The following KYAT1 variants were observed in gnomAD, a reference collection of about 807,000 sequenced individuals.
KYAT1 encodes the protein kynurenine--oxoglutarate transaminase 1.
A neutral mutation model predicts 52.4 loss-of-function variants in KYAT1; 47 were observed. That is an observed-to-expected ratio of 0.90 (90% CI 0.71 to 1.14). The LOEUF (loss-of-function observed/expected upper bound fraction) is 1.14, where lower values mean the gene tolerates loss of function less well. Ranked by LOEUF, KYAT1 falls within the 50% of genes most tolerant of loss-of-function variation. The probability of loss-of-function intolerance (pLI) is 0.00; values close to 1 mark genes in which losing one functional copy is unlikely to be tolerated. For synonymous variants in KYAT1, 212 were observed against 209.6 expected, an observed-to-expected ratio of 1.01 and a Z score of -0.10; for missense variants, 480 against 557.9, an observed-to-expected ratio of 0.86 and a Z score of 1.41.
intron 1 of KYAT1, among the ~76,000 whole-genome samples, chr9:128,867,896 C>T (rs966662867): frequency 4.6e-5 from 7 of 152,188 alleles, no homozygotes; most frequent in African/African-American, 1.7e-4. Context: ...CCTCAGCCTC[C>T]TGAGTAGCTG....
At chr9:128,873,363 G>GAA (rs74942940) in intron 1 of KYAT1, among the ~76,000 whole-genome samples, 4 of 107,760 alleles carry the variant, frequency 3.7e-5, no homozygotes, top group African/African-American at 6.7e-5. Flanking sequence ...TATAGAAAAT[G>GAA]AAAAAAAAAA....
chr9:128,850,328 T>C (rs1054593808), intron 1 of KYAT1, among the ~76,000 whole-genome samples: 2 of 152,210 alleles, frequency 1.3e-5, no homozygotes, highest in African/African-American at 2.4e-5. Context: ...CCTTGAACAA[T>C]TGCTTTGCTG....
chr9:128,875,238 G>GTTTTTT (rs937445820), intron 1 of KYAT1, among the ~76,000 whole-genome samples: 1 of 127,736 alleles, frequency 7.8e-6, no homozygotes, highest in African/African-American at 3.0e-5. Flanking sequence ...TGTTCAATTT[G>GTTTTTT]TTTTTTTTTG....
At chr9:128,857,540 ATAAC>A (rs1289753885) in intron 1 of KYAT1, among the ~76,000 whole-genome samples, 1 of 152,250 alleles carries the variant, frequency 6.6e-6, no homozygotes, top group African/African-American at 2.4e-5. Context: ...AGTGAATCAC[ATAAC>A]TAAATGTATG....
At chr9:128,840,934 C>T (rs1384344506) in intron 3 of KYAT1, among the ~76,000 whole-genome samples, 2 of 152,212 alleles carry the variant, frequency 1.3e-5, no homozygotes, top group Admixed American at 1.3e-4. Context: ...TAGAGAAATA[C>T]ATATGTATAC....
rs757193921 is a variant in KYAT1, at chr9:128,842,768, G to A, written c.87C>T (p.Asp29=). ...GGAAGCCCTGGCCCAAGTTCACGAC[G>A]TCATGCTCACTGGCCAGTTTCACAA... ...VEFVKLASEH[D]VVNLGQGFPD... is the part of the protein sequence containing the mutation. The change falls in exon 3 of 13, where the codon GAC becomes GAT. Residue 29 remains aspartate, a synonymous_variant. Coordinates refer to ENST00000302586, the MANE Select transcript of KYAT1 (RefSeq NM_004059.5). 14 of 1,613,984 alleles carry A rather than the reference G, an allele frequency of 8.7e-6. No individual in the cohort carries two copies. Among genetic ancestry groups the A allele is most frequent in the South Asian group, 2.2e-5 (2 of 91,066 alleles).
intron 1 of KYAT1, among the ~76,000 whole-genome samples, chr9:128,854,276 T>G (rs1002716140): frequency 1.3e-5 from 2 of 150,334 alleles, no homozygotes; most frequent in Admixed American, 1.3e-4. Context: ...TAGCACTCTA[T>G]ACTTTAAATT....
At chr9:128,833,851 C>A (rs1306377526) in intron 11 of KYAT1, 25 bp from the exon 12 acceptor site, 1 of 1,600,056 alleles carries the variant, frequency 6.2e-7, no homozygotes. Context: ...GGACATGTCT[C>A]AACACGGCCT....
chr9:128,865,357 A>ATTTTTTTTT (rs1836204051), intron 1 of KYAT1, among the ~76,000 whole-genome samples: 2 of 8,628 alleles, frequency 2.3e-4, no homozygotes, highest in African/African-American at 5.6e-4. Context: ...ATATATATAT[A>ATTTTTTTTT]TATTTTTTTT....
rs1830431060 is a variant in KYAT1 at position 128,833,215 on chromosome 9, G to A, written c.*369C>T. ...CCAAGGCCAAGATGAGCCAGGGAAGGTGAGGTTATACCTGAGCCTTAGCAG... is the reference window on the plus strand; with the variant it reads ...CCAAGGCCAAGATGAGCCAGGGAAGATGAGGTTATACCTGAGCCTTAGCAG... On this transcript the variant is annotated 3_prime_UTR_variant, in exon 13 of 13. Transcript: ENST00000302586. 3.3e-6 allele frequency: 1 copy of A among 300,468 alleles called. No homozygotes were observed. The highest frequency in any genetic ancestry group is 6.2e-6 in the Non-Finnish European group (1 of 160,676). The allele number at this position is 300,468 out of a possible 1,614,324, so 18.6% of individuals were successfully genotyped here. A position where few individuals can be genotyped will look rare whatever the true frequency, so the allele number is the denominator to read the frequency against.
At chr9:128,856,905 T>G (rs1834693681) in intron 1 of KYAT1, among the ~76,000 whole-genome samples, 1 of 152,176 alleles carries the variant, frequency 6.6e-6, no homozygotes, top group Admixed American at 6.5e-5. Context: ...TGAGGTAGAT[T>G]AGTAAAAGAG....
chr9:128,878,502 C>T (rs372513890), intron 1 of KYAT1, among the ~76,000 whole-genome samples: 2 of 152,216 alleles, frequency 1.3e-5, no homozygotes, highest in East Asian at 3.9e-4. Context: ...AATGAAAAAT[C>T]TCTTATTATA....
At chr9:128,835,433 G>A in intron 10 of KYAT1, 31 bp from the exon 11 acceptor site, 1 of 1,613,416 alleles carries the variant, frequency 6.2e-7, no homozygotes, top group Non-Finnish European at 8.5e-7. Context: ...TGAGCCCCCT[G>A]CAGCCTCCAG....
At chr9:128,844,968 C>T (rs1384071656) in intron 2 of KYAT1, among the ~76,000 whole-genome samples, 5 of 152,204 alleles carry the variant, frequency 3.3e-5, no homozygotes, top group Admixed American at 6.5e-5. Context: ...TTTTACTTAT[C>T]TTAGTTTATC....
chr9:128,859,387 G>A (rs924904821), intron 1 of KYAT1, among the ~76,000 whole-genome samples: 5 of 151,960 alleles, frequency 3.3e-5, no homozygotes, highest in Admixed American at 3.3e-4. Context: ...GTTACTCTCA[G>A]CTGGGTGCAG....
At chr9:128,866,740 T>C (rs999834039) in intron 1 of KYAT1, among the ~76,000 whole-genome samples, 4 of 151,924 alleles carry the variant, frequency 2.6e-5, no homozygotes, top group Non-Finnish European at 5.9e-5. Context: ...TGAAACCCTG[T>C]CTCTACTAAA....
At chr9:128,853,582 A>G (rs1444646333) in intron 1 of KYAT1, among the ~76,000 whole-genome samples, 1 of 152,230 alleles carries the variant, frequency 6.6e-6, no homozygotes, top group Admixed American at 6.5e-5. Context: ...AATTCGTTAC[A>G]ACAAACTGTA....
chr9:128,871,746 T>C (rs1316006916), intron 1 of KYAT1, among the ~76,000 whole-genome samples: 1 of 152,090 alleles, frequency 6.6e-6, no homozygotes, highest in Non-Finnish European at 1.5e-5. Flanking sequence ...GAGATACATA[T>C]GTGAGGATGC....
chr9:128,875,505 C>T (rs572854670), intron 1 of KYAT1, among the ~76,000 whole-genome samples: 2 of 151,570 alleles, frequency 1.3e-5, no homozygotes, highest in African/African-American at 2.4e-5. Flanking sequence ...CCCAGCTACT[C>T]GGGAGGCTGA....
Sources: gnomAD v4.1 joint callset for allele counts (sites outside exome capture counted in the v4.1 genomes callset) on GRCh38, gnomAD v4.1.1 for gene constraint, MANE v1.5 for transcripts, NCBI Gene and HGNC (gene_info 2026-07-23, HGNC 2026-07-21) for gene names.